AFG1L: variants seen among roughly 807,000 people sequenced by gnomAD.
The protein encoded by AFG1L is AFG1 like ATPase.
Under a neutral mutation model 62.2 loss-of-function variants are expected in AFG1L, and 53 were observed. The observed-to-expected ratio is 0.85, with a 90% CI of 0.68 to 1.07. The LOEUF is 1.07. AFG1L is among the 50% of genes least tolerant of loss of function. AFG1L has a pLI of 0.00. For synonymous variants in AFG1L, 228 were observed against 210.3 expected (o/e 1.08, Z -0.73); for missense variants, 555 against 590.5 (o/e 0.94, Z 0.62).
At chr6:108,297,569 ATGTGGCTGGG>A in intron 1 of AFG1L, among the ~76,000 whole-genome samples, 1 of 151,926 alleles carries the variant, frequency 6.6e-6, no homozygotes, top group Middle Eastern at 3.4e-3. Context: ...GTACAGTGTA[ATGTGGCTGGG>A]TGTGGTGGCT....
chr6:108,513,272 C>A (rs1445420036), intron 11 of AFG1L, among the ~76,000 whole-genome samples: 1 of 152,192 alleles, frequency 6.6e-6, no homozygotes, highest in Non-Finnish European at 1.5e-5. Context: ...GGGTGCAGGA[C>A]AGTGGGTGCA....
chr6:108,440,820 C>CAAAAA (rs372126617), intron 7 of AFG1L, among the ~76,000 whole-genome samples: 1 of 147,610 alleles, frequency 6.8e-6, no homozygotes, highest in African/African-American at 2.5e-5. Context: ...GACTCCATCT[C>CAAAAA]AAAAAAAGAA....
At chr6:108,441,574 A>C (rs1472158047) in intron 7 of AFG1L, among the ~76,000 whole-genome samples, 2 of 151,992 alleles carry the variant, frequency 1.3e-5, no homozygotes, top group Non-Finnish European at 2.9e-5. Flanking sequence ...AATTTCTTAG[A>C]GATCATGCTC....
intron 10 of AFG1L, among the ~76,000 whole-genome samples, chr6:108,507,492 G>T (rs576391021): frequency 6.6e-6 from 1 of 152,302 alleles, no homozygotes; most frequent in Non-Finnish European, 1.5e-5. Context: ...ACTGACAAAG[G>T]TATGTAATTT....
intron 7 of AFG1L, among the ~76,000 whole-genome samples, chr6:108,432,773 A>G (rs190301209): frequency 7.2e-5 from 11 of 152,314 alleles, no homozygotes; most frequent in African/African-American, 2.4e-4. Flanking sequence ...CAAAACAGAA[A>G]AAAATCAGCC....
At chr6:108,360,738 GA>G (rs1241309715) in intron 5 of AFG1L, among the ~76,000 whole-genome samples, 1 of 152,126 alleles carries the variant, frequency 6.6e-6, no homozygotes, top group Non-Finnish European at 1.5e-5. Flanking sequence ...TCAGTATCCT[GA>G]ACTGTCTTCT....
At chr6:108,430,262 A>G (rs1771012462) in intron 7 of AFG1L, among the ~76,000 whole-genome samples, 1 of 152,150 alleles carries the variant, frequency 6.6e-6, no homozygotes, top group African/African-American at 2.4e-5. Flanking sequence ...GGTATTTTTT[A>G]AGAAGCCACA....
At chr6:108,366,414 G>A (rs1286629575) in intron 6 of AFG1L, 82 bp downstream of exon 6, 9 of 770,362 alleles carry the variant, frequency 1.2e-5, no homozygotes, top group Admixed American at 4.7e-5. Flanking sequence ...TGAACTAAAT[G>A]TATTGTGTTA....
At chr6:108,458,141 T>G (rs1772322157) in intron 8 of AFG1L, among the ~76,000 whole-genome samples, 2 of 152,152 alleles carry the variant, frequency 1.3e-5, no homozygotes, top group Admixed American at 6.5e-5. Context: ...GCATGTTTCT[T>G]TTGCCTGGAT....
At chr6:108,354,492 AC>A (rs1779193223) in intron 3 of AFG1L, among the ~76,000 whole-genome samples, 1 of 152,154 alleles carries the variant, frequency 6.6e-6, no homozygotes, top group South Asian at 2.1e-4. Flanking sequence ...TTTAGTAGAG[AC>A]AGGGTTTTGC....
In AFG1L at chr6:108,507,757, A is replaced by C. The variant is rs116631571; in HGVS notation, c.1063-2455A>C. Among the ~76,000 whole-genome samples the C allele has an allele frequency of 8.4e-3, 1,280 of 152,352 alleles. 24 individuals are homozygous for C. The highest frequency in any genetic ancestry group is 0.029 in the African/African-American group (1,186 of 41,586). On this transcript the variant is annotated intron_variant, in intron 10 of 12. Coordinates refer to ENST00000368977, the MANE Select transcript of AFG1L (RefSeq NM_145315.5). ...AAAAAAAGTAGTGTACCCTCAGAGC[A>C]TGAGAGTCTTAATGTATGAGTTTTC...
intron 7 of AFG1L, among the ~76,000 whole-genome samples, chr6:108,405,820 C>T (rs1161530751): frequency 6.6e-6 from 1 of 152,214 alleles, no homozygotes; most frequent in Non-Finnish European, 1.5e-5. Context: ...TACCACCATT[C>T]TGCTGTCTGC....
intron 8 of AFG1L, among the ~76,000 whole-genome samples, chr6:108,454,777 C>T (rs903912904): frequency 1.3e-5 from 2 of 152,098 alleles, no homozygotes; most frequent in Non-Finnish European, 2.9e-5. Context: ...CTCAGCCTAC[C>T]GAGTAGCTGG....
At chr6:108,402,886 G>A (rs1442962138) in intron 7 of AFG1L, among the ~76,000 whole-genome samples, 1 of 152,084 alleles carries the variant, frequency 6.6e-6, no homozygotes, top group Non-Finnish European at 1.5e-5. Context: ...ATTATGTCAA[G>A]TTGAGGCACA....
At chr6:108,399,188 T>G (rs1200431904) in intron 6 of AFG1L, among the ~76,000 whole-genome samples, 53 of 125,314 alleles carry the variant, frequency 4.2e-4, no homozygotes, top group East Asian at 6.8e-4. Context: ...GTTTTTTTTT[T>G]TTTTTTTTTT....
At chr6:108,325,338 G>T (rs890348213) in intron 2 of AFG1L, among the ~76,000 whole-genome samples, 1 of 151,452 alleles carries the variant, frequency 6.6e-6, no homozygotes, top group Non-Finnish European at 1.5e-5. Flanking sequence ...CCTCGTATTT[G>T]TTACGAGATA....
intron 7 of AFG1L, among the ~76,000 whole-genome samples, chr6:108,414,204 C>T (rs547566487): frequency 6.6e-6 from 1 of 152,252 alleles, no homozygotes; most frequent in African/African-American, 2.4e-5. Flanking sequence ...CACATACACC[C>T]TACCAAGACT....
chr6:108,418,593 G>GATAA (rs1423347478), intron 7 of AFG1L, among the ~76,000 whole-genome samples: 40 of 152,258 alleles, frequency 2.6e-4, no homozygotes, highest in African/African-American at 9.1e-4. Flanking sequence ...GAGCTTGCTG[G>GATAA]ATAAATGGTT....
At chr6:108,500,284 A>G (rs1359776419) in intron 10 of AFG1L, among the ~76,000 whole-genome samples, 3 of 151,426 alleles carry the variant, frequency 2.0e-5, no homozygotes, top group Admixed American at 2.0e-4. Flanking sequence ...ACAGGCATGA[A>G]CCACCGTGCC....
Sources: allele counts gnomAD v4.1 joint callset (sites outside exome capture counted in the v4.1 genomes callset), GRCh38; gene constraint gnomAD v4.1.1; transcripts MANE v1.5; gene names NCBI Gene and HGNC (gene_info 2026-07-23, HGNC 2026-07-21).